BCKDHB: variants seen among roughly 807,000 people sequenced by gnomAD.
BCKDHB encodes the protein branched chain keto acid dehydrogenase E1 subunit beta.
A neutral mutation model predicts 48.5 loss-of-function variants in BCKDHB; 41 were observed. That is an observed-to-expected ratio of 0.85 (90% CI 0.66 to 1.10). The LOEUF is 1.10. BCKDHB is among the 50% of genes least tolerant of loss of function. The probability of loss-of-function intolerance (pLI) is 0.00; values close to 1 mark genes in which losing one functional copy is unlikely to be tolerated. For synonymous variants in BCKDHB, 201 were observed against 174.8 expected, an observed-to-expected ratio of 1.15 and a Z score of -1.18; for missense variants, 496 against 494.2, an observed-to-expected ratio of 1.00 and a Z score of -0.03.
intron 8 of BCKDHB, among the ~76,000 whole-genome samples, chr6:80,226,793 T>C (rs1383456526): frequency 6.6e-6 from 1 of 152,216 alleles, no homozygotes. Flanking sequence ...CTTTCTTCTT[T>C]TGCTACCATT....
chr6:80,172,906 A>G (rs1427228596), intron 6 of BCKDHB, among the ~76,000 whole-genome samples: 1 of 152,154 alleles, frequency 6.6e-6, no homozygotes, highest in Non-Finnish European at 1.5e-5. Context: ...TGTAATAAAA[A>G]TGAATGTAAG....
chr6:80,180,682 C>T (rs189291962), intron 6 of BCKDHB, among the ~76,000 whole-genome samples: 110 of 152,158 alleles, frequency 7.2e-4, no homozygotes, highest in Non-Finnish European at 1.1e-3. Flanking sequence ...AGCAGATGTA[C>T]TAATTGTGTA....
At chr6:80,439,298 T>C in the BCKDHB span, among the ~76,000 whole-genome samples, 1 of 152,138 alleles carries the variant, frequency 6.6e-6, no homozygotes, top group Non-Finnish European at 1.5e-5. Flanking sequence ...CCCAATGTCA[T>C]AGTAATATTC....
intron 1 of BCKDHB, among the ~76,000 whole-genome samples, chr6:80,122,533 G>A (rs1232998416): frequency 6.6e-6 from 1 of 152,170 alleles, no homozygotes; most frequent in Non-Finnish European, 1.5e-5. Flanking sequence ...TTTACAGCTG[G>A]GCCGCCGGGG....
intron 8 of BCKDHB, among the ~76,000 whole-genome samples, chr6:80,253,532 TTTGA>T (rs1776917755): frequency 6.6e-6 from 1 of 152,176 alleles, no homozygotes; most frequent in Non-Finnish European, 1.5e-5. Context: ...TGATTGACTC[TTTGA>T]TTGATAAGAT....
At chr6:80,263,362 A>G (rs1284534968) in intron 8 of BCKDHB, among the ~76,000 whole-genome samples, 1 of 152,186 alleles carries the variant, frequency 6.6e-6, no homozygotes, top group Non-Finnish European at 1.5e-5. Flanking sequence ...TTAGATACAT[A>G]ATTAAAACCC....
chr6:80,342,257 T>TA (rs919400296), intron 9 of BCKDHB, among the ~76,000 whole-genome samples: 131 of 151,872 alleles, frequency 8.6e-4, no homozygotes, highest in African/African-American at 2.9e-3. Context: ...GTATAATATG[T>TA]AAAAAAAACT....
chr6:80,230,431 A>G lies in BCKDHB; in HGVS notation c.951+27219A>G, dbSNP rs150126365. Among the ~76,000 whole-genome samples the G allele has an allele frequency of 1.6e-3, 246 of 152,314 alleles. 2 individuals carry two copies. Among genetic ancestry groups the G allele is most frequent in the African/African-American group, 5.6e-3 (233 of 41,566 alleles). ...AAAAAAACAGTGAAGAAGATTTTCT[A>G]TTGCCTGAAATTAAAATTTACTGCA... On this transcript the variant is annotated intron_variant, in intron 8 of 9. Transcript: ENST00000320393.
intron 9 of BCKDHB, among the ~76,000 whole-genome samples, chr6:80,338,024 G>A (rs1367946562): frequency 1.3e-5 from 2 of 152,100 alleles, no homozygotes; most frequent in Non-Finnish European, 2.9e-5. Flanking sequence ...ATAATTTTCC[G>A]ATCTCACTTT....
intron 8 of BCKDHB, among the ~76,000 whole-genome samples, chr6:80,265,547 AGAGGGAATGAG>A (rs1184354380): frequency 6.6e-6 from 1 of 152,102 alleles, no homozygotes; most frequent in Non-Finnish European, 1.5e-5. Context: ...GCTTGGAAGA[AGAGGGAATGAG>A]GAGTTATTGT....
At chr6:80,366,020 A>G in the BCKDHB span, among the ~76,000 whole-genome samples, 1 of 152,186 alleles carries the variant, frequency 6.6e-6, no homozygotes, top group East Asian at 1.9e-4. Context: ...GTCTTACAGT[A>G]TATGCAGTTT....
Position 80,344,092 on chromosome 6 carries a change from A to C in BCKDHB, c.*288A>C. The C allele has an allele frequency of 4.9e-6, 2 of 411,196 alleles. No homozygotes were observed. Among genetic ancestry groups the C allele is most frequent in the Non-Finnish European group, 4.5e-6 (1 of 220,462 alleles). The allele number at this position is 411,196 out of a possible 1,614,324, so 25.5% of individuals were successfully genotyped here. A position where few individuals can be genotyped will look rare whatever the true frequency, so the allele number is the denominator to read the frequency against. ...CTCAGCTCACTGCAACCTCCCCCCT[A>C]CCCCTGAGTTCAAGCGATTCTCCTG... On this transcript the variant is annotated 3_prime_UTR_variant, in exon 10 of 10. Transcript: ENST00000320393.
At chr6:80,204,290 G>A (rs1052399264) in intron 8 of BCKDHB, among the ~76,000 whole-genome samples, 2 of 152,076 alleles carry the variant, frequency 1.3e-5, no homozygotes, top group Non-Finnish European at 2.9e-5. Context: ...AAATGTTTGT[G>A]AAGACTCACT....
At chr6:80,395,351 T>C in the BCKDHB span, among the ~76,000 whole-genome samples, 2 of 152,172 alleles carry the variant, frequency 1.3e-5, no homozygotes, top group South Asian at 4.1e-4. Context: ...TGGCTTTGAC[T>C]GAAATGCTGA....
intron 6 of BCKDHB, among the ~76,000 whole-genome samples, chr6:80,197,934 T>TCATCCATC (rs10651030): frequency 0.042 from 6,238 of 148,936 alleles, 287 homozygotes; most frequent in African/African-American, 0.1. Context: ...ATCCATCTGT[T>TCATCCATC]CATCCATCCA....
At chr6:80,139,931 C>T (rs1306944945) in intron 3 of BCKDHB, among the ~76,000 whole-genome samples, 1 of 152,148 alleles carries the variant, frequency 6.6e-6, no homozygotes, top group Non-Finnish European at 1.5e-5. Flanking sequence ...TCTTCCTATC[C>T]ATGAGCATGA....
At chr6:80,404,638 C>G in the BCKDHB span, among the ~76,000 whole-genome samples, 1 of 151,766 alleles carries the variant, frequency 6.6e-6, no homozygotes, top group Non-Finnish European at 1.5e-5. Context: ...TTATCTTCTT[C>G]CATAAGGTAT....
At chr6:80,311,034 C>T (rs957741709) in intron 9 of BCKDHB, among the ~76,000 whole-genome samples, 1 of 152,096 alleles carries the variant, frequency 6.6e-6, no homozygotes, top group Admixed American at 6.5e-5. Flanking sequence ...TGGCTGTGAC[C>T]CCACCCAATC....
chr6:80,364,823 G>C, the BCKDHB span, among the ~76,000 whole-genome samples: 1 of 152,138 alleles, frequency 6.6e-6, no homozygotes, highest in Non-Finnish European at 1.5e-5. Context: ...TTGGGTACTG[G>C]GGGAACCCAC....
Sources: gnomAD v4.1 joint callset for allele counts (sites outside exome capture counted in the v4.1 genomes callset) on GRCh38, gnomAD v4.1.1 for gene constraint, MANE v1.5 for transcripts, NCBI Gene and HGNC (gene_info 2026-07-23, HGNC 2026-07-21) for gene names.